DPP4: variants seen among roughly 807,000 people sequenced by gnomAD.
DPP4 encodes dipeptidyl peptidase 4, also known as ADCP-2.
A neutral mutation model predicts 122.4 loss-of-function variants in DPP4; 93 were observed. That is an observed-to-expected ratio of 0.76 (90% CI 0.64 to 0.90). The LOEUF is 0.90. Ranked by LOEUF, DPP4 falls within the 40% of genes least tolerant of loss-of-function variation. The probability of loss-of-function intolerance (pLI) is 0.00; values close to 1 mark genes in which losing one functional copy is unlikely to be tolerated. For missense variants in DPP4, 914 were observed against 907.3 expected, an observed-to-expected ratio of 1.01 and a Z score of -0.09; for synonymous variants, 321 against 302.9, an observed-to-expected ratio of 1.06 and a Z score of -0.62.
intron 11 of DPP4, among the ~76,000 whole-genome samples, chr2:162,023,326 T>C (rs1683205618): frequency 6.6e-6 from 1 of 152,188 alleles, no homozygotes; most frequent in Non-Finnish European, 1.5e-5. Context: ...CTGCTGACCT[T>C]AGTTAGCAAT....
At chr2:162,018,706 C>T (rs768438700) in intron 16 of DPP4, 23 bp downstream of exon 16, 10 of 1,607,644 alleles carry the variant, frequency 6.2e-6, no homozygotes, top group African/African-American at 1.3e-5. Flanking sequence ...GACTGCCCTC[C>T]CTCCCAGGGA....
At chr2:161,999,069 C>T (rs562129924) in intron 23 of DPP4, among the ~76,000 whole-genome samples, 13 of 152,254 alleles carry the variant, frequency 8.5e-5, no homozygotes, top group Admixed American at 2.6e-4. Context: ...GAGAGACATA[C>T]ACCCACTTTA....
chr2:162,042,435 T>C (rs1195504330), intron 5 of DPP4, among the ~76,000 whole-genome samples: 1 of 152,182 alleles, frequency 6.6e-6, no homozygotes, highest in Non-Finnish European at 1.5e-5. Context: ...TAGCCACAAC[T>C]TGGAAGTGAT....
At chr2:162,028,212 A>G (rs1167485986) in intron 10 of DPP4, among the ~76,000 whole-genome samples, 2 of 152,090 alleles carry the variant, frequency 1.3e-5, no homozygotes, top group African/African-American at 2.4e-5. Flanking sequence ...AAATACAAAA[A>G]TTAGTCAGGC....
chr2:162,017,020 A>G (rs1297119610), intron 17 of DPP4, 88 bp downstream of exon 17: 3 of 1,492,416 alleles, frequency 2.0e-6, no homozygotes, highest in South Asian at 1.2e-5. Flanking sequence ...ACACAAAGCC[A>G]AAGAAAATCA....
intron 19 of DPP4, among the ~76,000 whole-genome samples, chr2:162,013,218 T>C (rs539414431): frequency 1.7e-3 from 261 of 152,136 alleles, no homozygotes; most frequent in Non-Finnish European, 3.2e-3. Flanking sequence ...TTACCATTTT[T>C]TAAAACCTTT....
In DPP4 at chr2:162,047,689, A is replaced by G. The variant is rs531241270; in HGVS notation, c.95-188T>C. ...TGGAGTAAACATGCATTTAACTATG[A>G]AGTGTGTGAGAGTGTGTGTGTTTCA... is the stretch of plus-strand genomic sequence containing the variant. On this transcript the variant is annotated intron_variant, in intron 2 of 25. Coordinates refer to ENST00000360534, the MANE Select transcript of DPP4 (RefSeq NM_001935.4). 3.9e-5 allele frequency among the ~76,000 whole-genome samples: 6 copies of G among 152,294 alleles called. No homozygotes were observed. The South Asian group carries it at 1.2e-3, about 32-fold the overall frequency.
intron 5 of DPP4, among the ~76,000 whole-genome samples, chr2:162,042,584 A>G (rs1283426659): frequency 6.6e-6 from 1 of 152,092 alleles, no homozygotes; most frequent in Non-Finnish European, 1.5e-5. Flanking sequence ...CAAAACGTAT[A>G]TGCTGTACAG....
At chr2:162,060,684 T>A (rs1684734810) in intron 2 of DPP4, among the ~76,000 whole-genome samples, 1 of 152,196 alleles carries the variant, frequency 6.6e-6, no homozygotes, top group Non-Finnish European at 1.5e-5. Flanking sequence ...ACCAAGCTCA[T>A]CAGTTCTGTG....
intron 10 of DPP4, among the ~76,000 whole-genome samples, chr2:162,027,827 C>T (rs921277102): frequency 4.6e-5 from 7 of 152,110 alleles, no homozygotes; most frequent in African/African-American, 1.7e-4. Flanking sequence ...AACTCACGTG[C>T]ATCAGTCATC....
intron 16 of DPP4, among the ~76,000 whole-genome samples, chr2:162,018,015 G>C (rs1682985343): frequency 6.6e-6 from 1 of 151,700 alleles, no homozygotes; most frequent in Non-Finnish European, 1.5e-5. Context: ...TTAGAATAAA[G>C]CGCATGCCCA....
Position 161,993,063 on chromosome 2 carries a change from C to A in DPP4, c.*220G>T, listed in dbSNP as rs202103423. 2 of 424,454 alleles carry A rather than the reference C, an allele frequency of 4.7e-6. No individual in the cohort carries two copies. Among genetic ancestry groups the A allele is most frequent in the Non-Finnish European group, 8.5e-6 (2 of 234,414 alleles). The allele number at this position is 424,454 out of a possible 1,614,324, so 26.3% of individuals were successfully genotyped here. A position where few individuals can be genotyped will look rare whatever the true frequency, so the allele number is the denominator to read the frequency against. ...AGAAATGATTTTAAACAATAAAACC[C>A]GACCGGATAATTCAAACTTCTGTAA... On this transcript the variant is annotated 3_prime_UTR_variant, in exon 26 of 26. Coordinates refer to ENST00000360534, the MANE Select transcript of DPP4 (RefSeq NM_001935.4).
At chr2:162,072,579 A>C (rs1685154788) in intron 2 of DPP4, among the ~76,000 whole-genome samples, 1 of 152,226 alleles carries the variant, frequency 6.6e-6, no homozygotes, top group South Asian at 2.1e-4. Flanking sequence ...GAATGCTTTA[A>C]CTGGCTGACT....
At chr2:162,022,673 A>G (rs1683173044) in intron 12 of DPP4, 82 bp downstream of exon 12, 4 of 1,328,894 alleles carry the variant, frequency 3.0e-6, no homozygotes, top group Middle Eastern at 1.8e-4. Flanking sequence ...CGTATCACTT[A>G]GAGCCCTAGT....
Position 162,074,154 on chromosome 2 carries a change from G to T in DPP4, c.-173C>A. The stretch of plus-strand genomic sequence containing the variant: ...GAGCGCCGAGCCCGCTGGGTATAAA[G>T]GCGCCGCGGGCAGGCTGCAGGGCAG... On this transcript the variant is annotated 5_prime_UTR_variant, in exon 1 of 26. Transcript: ENST00000360534. The T allele has an allele frequency of 7.5e-7, 1 of 1,330,710 alleles. No individual in the cohort carries two copies. The allele number at this position is 1,330,710 out of a possible 1,614,324, so 82.4% of individuals were successfully genotyped here. A position where few individuals can be genotyped will look rare whatever the true frequency, so the allele number is the denominator to read the frequency against.
In DPP4 at chr2:162,035,279, C is replaced by A; in HGVS notation, c.659G>T (p.Gly220Val). 6.2e-7 allele frequency: 1 copy of A among 1,613,916 alleles called. No homozygotes were observed. Among genetic ancestry groups the A allele is most frequent in the East Asian group, 2.2e-5 (1 of 44,844 alleles). ...AYSALWWSPN[G>V]TFLAYAQFND... ...AAATTGGGCATATGCTAAAAAAGTGCCGTTTGGAGACCACCACAGAGCAGA... is the reference window on the plus strand; with the variant it reads ...AAATTGGGCATATGCTAAAAAAGTGACGTTTGGAGACCACCACAGAGCAGA... Residue 220 changes from glycine (G) to valine (V), a missense_variant, in exon 9 of 26, where the codon GGC becomes GTC. By Grantham distance (109) the Gly-to-Val change is moderately radical. Transcript: ENST00000360534.
In DPP4 at chr2:161,993,345, C is replaced by A. The variant is rs1559701395; in HGVS notation, c.2239G>T (p.Ala747Ser). 1 of 1,613,314 alleles carries A rather than the reference C, an allele frequency of 6.2e-7. No homozygotes were observed. The highest frequency in any genetic ancestry group is 1.7e-5 in the Admixed American group (1 of 59,952). Reference sequence around the variant, plus strand: ...ATGTGGGTATATATATGTTGGTGTGCTGTGCTGCTAGCTATTCCATGGTCT... The same window carrying A: ...ATGTGGGTATATATATGTTGGTGTGATGTGCTGCTAGCTATTCCATGGTCT... Reference protein sequence around the residue: ...DEDHGIASSTAHQHIYTHMSH... With the variant: ...DEDHGIASSTSHQHIYTHMSH... The change falls in exon 26 of 26, where the codon GCA becomes TCA. Residue 747 changes from alanine to serine, a missense_variant. Coordinates refer to ENST00000360534, the MANE Select transcript of DPP4 (RefSeq NM_001935.4).
At chr2:162,024,377 T>C (rs563067814) in intron 11 of DPP4, among the ~76,000 whole-genome samples, 2 of 152,358 alleles carry the variant, frequency 1.3e-5, no homozygotes, top group East Asian at 3.9e-4. Context: ...AGTGACAGTA[T>C]GGTAATGGGT....
chr2:162,006,269 T>C (rs1454093647), intron 22 of DPP4, among the ~76,000 whole-genome samples: 1 of 152,178 alleles, frequency 6.6e-6, no homozygotes, highest in Non-Finnish European at 1.5e-5. Flanking sequence ...TGTGTTGAAA[T>C]TTTTTGGTTA....
Sources: gnomAD v4.1 joint callset for allele counts (sites outside exome capture counted in the v4.1 genomes callset) on GRCh38, gnomAD v4.1.1 for gene constraint, MANE v1.5 for transcripts, NCBI Gene and HGNC (gene_info 2026-07-23, HGNC 2026-07-21) for gene names.